DCLK2: variants seen among roughly 807,000 people sequenced by gnomAD.
DCLK2 encodes the protein doublecortin like kinase 2.
In DCLK2, 31 loss-of-function variants were observed where a neutral mutation model predicts 78.4. The observed-to-expected ratio is 0.40, with a 90% CI of 0.30 to 0.53. DCLK2 has a LOEUF of 0.53. DCLK2 is among the 20% of genes least tolerant of loss of function. DCLK2 has a pLI of 0.61. For synonymous variants in DCLK2, 407 were observed against 374.9 expected (o/e 1.09, Z -0.99); for missense variants, 872 against 973.7 (o/e 0.90, Z 1.39).
intron 2 of DCLK2, among the ~76,000 whole-genome samples, chr4:150,113,670 TTTTG>T (rs748340108): frequency 9.2e-5 from 14 of 151,662 alleles, no homozygotes; most frequent in Admixed American, 2.0e-4. Context: ...AATGGTTAAT[TTTTG>T]TTTATCTTTG....
intron 1 of DCLK2, 54 bp downstream of exon 1, chr4:150,079,502 T>C: frequency 7.0e-7 from 1 of 1,429,434 alleles, no homozygotes; most frequent in Non-Finnish European, 9.2e-7. Context: ...GCAGGTGCAG[T>C]GGGCGTGAGC....
intron 2 of DCLK2, among the ~76,000 whole-genome samples, chr4:150,110,820 C>CT (rs1030032660): frequency 1.3e-5 from 2 of 152,070 alleles, no homozygotes; most frequent in African/African-American, 4.8e-5. Flanking sequence ...TTATTTCAGT[C>CT]TTTTTTATGG....
intron 2 of DCLK2, among the ~76,000 whole-genome samples, chr4:150,174,063 C>A (rs1388027642): frequency 6.6e-6 from 1 of 152,168 alleles, no homozygotes; most frequent in Admixed American, 6.5e-5. Context: ...AGACACCGCA[C>A]TTTAGTGATA....
chr4:150,235,185 C>T (rs1742395801), intron 10 of DCLK2, among the ~76,000 whole-genome samples: 1 of 152,130 alleles, frequency 6.6e-6, no homozygotes, highest in Non-Finnish European at 1.5e-5. Context: ...TTGTGAGCTT[C>T]CCTATAAACC....
intron 2 of DCLK2, among the ~76,000 whole-genome samples, chr4:150,133,316 AC>A (rs760834921): frequency 5.5e-4 from 83 of 150,888 alleles, no homozygotes; most frequent in Non-Finnish European, 8.9e-4. Flanking sequence ...CAGATTTTTT[AC>A]CTCTCTGTGC....
At position 150,156,121 on chromosome 4, in the gene DCLK2, A is replaced by C. The variant is rs532379856; in HGVS notation, c.757-37017A>C. Reference sequence around the variant, plus strand: ...GAGACCCACCCGTTGGACTTGACCTAAGTGGAGGTTGCTGGTGATTAGGAA... The same window carrying C: ...GAGACCCACCCGTTGGACTTGACCTCAGTGGAGGTTGCTGGTGATTAGGAA... On this transcript the variant is annotated intron_variant, in intron 2 of 15. Coordinates refer to ENST00000296550, the MANE Select transcript of DCLK2 (RefSeq NM_001040260.4). Among the ~76,000 whole-genome samples the C allele has an allele frequency of 2.6e-5, 4 of 152,272 alleles. No individual in the cohort carries two copies. In the East Asian group the frequency reaches 7.7e-4, roughly 29 times the overall value.
intron 12 of DCLK2, among the ~76,000 whole-genome samples, chr4:150,242,483 G>A (rs890964372): frequency 6.6e-6 from 1 of 152,220 alleles, no homozygotes; most frequent in Non-Finnish European, 1.5e-5. Flanking sequence ...TACCCCTGAA[G>A]TTAGGAGTGT....
Position 150,079,292 on chromosome 4 carries a change from T to G in DCLK2, c.265T>G (p.Phe89Val), listed in dbSNP as rs755942679. 6 of 1,599,714 alleles carry G rather than the reference T, an allele frequency of 3.8e-6. No homozygotes were observed. The highest frequency in any genetic ancestry group is 5.1e-6 in the Non-Finnish European group (6 of 1,173,514). The change falls in exon 1 of 16, where the codon TTT becomes GTT. Residue 89 changes from phenylalanine (F) to valine (V), a missense_variant. Coordinates refer to ENST00000296550, the MANE Select transcript of DCLK2 (RefSeq NM_001040260.4). ...NGDRYFKGLV[F>V]AISSDRFRSF... ...GGACCGCTACTTCAAGGGCCTGGTG[T>G]TTGCCATCTCCAGCGACCGCTTCCG...
intron 10 of DCLK2, among the ~76,000 whole-genome samples, chr4:150,236,934 T>C (rs1742554791): frequency 6.6e-6 from 1 of 152,206 alleles, no homozygotes; most frequent in Non-Finnish European, 1.5e-5. Flanking sequence ...GAATTCTTTA[T>C]AGAGGATGTG....
intron 2 of DCLK2, among the ~76,000 whole-genome samples, chr4:150,119,043 AT>A (rs1732324964): frequency 4.7e-5 from 1 of 21,412 alleles, no homozygotes; most frequent in African/African-American, 2.0e-4. Context: ...AACAATAATA[AT>A]ATAATAATAA....
intron 2 of DCLK2, among the ~76,000 whole-genome samples, chr4:150,129,680 A>G (rs143835769): frequency 0.07 from 10,621 of 151,904 alleles, 464 homozygotes; most frequent in South Asian, 0.1. Context: ...AGATTACGCC[A>G]CTGCACTTCA....
chr4:150,205,929 G>A (rs1040771282), intron 5 of DCLK2, among the ~76,000 whole-genome samples: 3 of 152,152 alleles, frequency 2.0e-5, no homozygotes, highest in South Asian at 4.1e-4. Context: ...ACCGCTTTGG[G>A]GGATCAGATG....
chr4:150,140,771 A>G (rs1174270307), intron 2 of DCLK2, among the ~76,000 whole-genome samples: 2 of 152,210 alleles, frequency 1.3e-5, no homozygotes, highest in Non-Finnish European at 1.5e-5. Context: ...GAAATACTAT[A>G]AAGAGGTTAA....
At chr4:150,204,810 T>TG (rs1389155671) in intron 5 of DCLK2, among the ~76,000 whole-genome samples, 1 of 151,840 alleles carries the variant, frequency 6.6e-6, no homozygotes, top group African/African-American at 2.4e-5. Flanking sequence ...GAGAATCACT[T>TG]GCACCCAGGA....
chr4:150,182,945 G>A (rs1737637934), intron 2 of DCLK2, among the ~76,000 whole-genome samples: 1 of 152,034 alleles, frequency 6.6e-6, no homozygotes, highest in Non-Finnish European at 1.5e-5. Flanking sequence ...TCAGCAGGAG[G>A]TAGGGATTTT....
At chr4:150,250,446 C>CAGCT (rs1023122609) in intron 15 of DCLK2, among the ~76,000 whole-genome samples, 2 of 152,102 alleles carry the variant, frequency 1.3e-5, no homozygotes, top group Non-Finnish European at 2.9e-5. Context: ...GCGGGAAGGC[C>CAGCT]AGCTCACCGT....
chr4:150,177,329 G>A (rs1737164515), intron 2 of DCLK2, among the ~76,000 whole-genome samples: 1 of 151,840 alleles, frequency 6.6e-6, no homozygotes, highest in Non-Finnish European at 1.5e-5. Flanking sequence ...TGCTCCTTTT[G>A]GTCAAGAAGC....
intron 8 of DCLK2, among the ~76,000 whole-genome samples, chr4:150,230,510 A>T (rs1741959600): frequency 6.6e-6 from 1 of 152,248 alleles, no homozygotes; most frequent in African/African-American, 2.4e-5. Flanking sequence ...TAGCTTTAAA[A>T]TAAAAAACCT....
chr4:150,224,377 G>A (rs1250414136), intron 7 of DCLK2, 124 bp from the exon 8 acceptor site: 1 of 819,974 alleles, frequency 1.2e-6, no homozygotes, highest in East Asian at 2.8e-5. Context: ...AGACCAACCT[G>A]GGCAACATAA....
Sources: allele counts gnomAD v4.1 joint callset (sites outside exome capture counted in the v4.1 genomes callset), GRCh38; gene constraint gnomAD v4.1.1; transcripts MANE v1.5; gene names NCBI Gene and HGNC (gene_info 2026-07-23, HGNC 2026-07-21).